Variants in RBM25 observed in about 807,000 individuals in gnomAD.
RBM25 encodes RNA-binding protein 25.
Under a neutral mutation model 120.7 loss-of-function variants are expected in RBM25, and 19 were observed. That is an observed-to-expected ratio of 0.16 (90% CI 0.11 to 0.23). The LOEUF (loss-of-function observed/expected upper bound fraction) is 0.23. Among genes scored for constraint, RBM25 ranks in the 10% least tolerant of loss-of-function variants. The pLI, the probability that RBM25 is intolerant of heterozygous loss-of-function variation, is 1.00. For synonymous variants in RBM25, 390 were observed against 326.7 expected (o/e 1.19, Z -2.09); for missense variants, 605 against 1,041.5 (o/e 0.58, Z 5.77).
At chr14:73,086,127 G>C (rs535816014) in intron 5 of RBM25, among the ~76,000 whole-genome samples, 1 of 151,834 alleles carries the variant, frequency 6.6e-6, no homozygotes, top group African/African-American at 2.4e-5. Flanking sequence ...TGAAGATCAC[G>C]ATCTGGACAC....
At chr14:73,098,910 A>T (rs529488813) in intron 7 of RBM25, among the ~76,000 whole-genome samples, 1 of 152,198 alleles carries the variant, frequency 6.6e-6, no homozygotes, top group Non-Finnish European at 1.5e-5. Context: ...CCCGACCCAT[A>T]ACTTTTCTAA....
At chr14:73,108,027 A>G in intron 13 of RBM25, 128 bp downstream of exon 13, 1 of 686,022 alleles carries the variant, frequency 1.5e-6, no homozygotes, top group Admixed American at 2.7e-5. Flanking sequence ...CTGAGTAATT[A>G]TTAATTCTAT....
At chr14:73,076,085 C>T (rs1181964787) in intron 2 of RBM25, among the ~76,000 whole-genome samples, 1 of 152,160 alleles carries the variant, frequency 6.6e-6, no homozygotes, top group Non-Finnish European at 1.5e-5. Flanking sequence ...CTCTTTAAGT[C>T]AAAAGCATAT....
chr14:73,075,684 T>G (rs1329804329), intron 2 of RBM25, among the ~76,000 whole-genome samples: 1 of 152,236 alleles, frequency 6.6e-6, no homozygotes, highest in African/African-American at 2.4e-5. Context: ...ATACTTATTT[T>G]TTGTTGTTGT....
chr14:73,093,644 G>A (rs1199068334), intron 6 of RBM25, among the ~76,000 whole-genome samples: 1 of 151,414 alleles, frequency 6.6e-6, no homozygotes, highest in Admixed American at 6.6e-5. Context: ...GTAGCTGGGA[G>A]TACAGGCACC....
chr14:73,109,558 C>A (rs923918225), intron 14 of RBM25, 66 bp downstream of exon 14: 2 of 1,466,172 alleles, frequency 1.4e-6, no homozygotes, highest in Admixed American at 2.1e-5. Flanking sequence ...CTTTGGGAGG[C>A]CGAGGCGGGC....
At chr14:73,100,190 G>A (rs1466782770) in intron 9 of RBM25, 5 of 541,016 alleles carry the variant, frequency 9.2e-6, no homozygotes, top group Non-Finnish European at 1.7e-5. Flanking sequence ...GAGTGGGGGA[G>A]ATTTTAAACA....
chr14:73,123,615 A>T lies in RBM25; in HGVS notation c.*3810A>T, dbSNP rs961546717. The T allele has an allele frequency of 1.3e-5, 2 of 152,226 alleles. No homozygotes were observed. Among genetic ancestry groups the T allele is most frequent in the Non-Finnish European group, 2.9e-5 (2 of 68,044 alleles). 9.4% of individuals were successfully genotyped at this position (152,226 alleles called of 1,614,324 possible). On this transcript the variant is annotated 3_prime_UTR_variant, in exon 19 of 19. Coordinates refer to ENST00000261973, the MANE Select transcript of RBM25 (RefSeq NM_021239.3). ...CAGGGAGATACATACCAAACCCAGG[A>T]GCTACTAATATAACAATCATACTAT...
In RBM25 at chr14:73,088,254, A is replaced by G. The variant is rs1056813581; in HGVS notation, c.543+93A>G. 8.2e-6 allele frequency: 12 copies of G among 1,467,412 alleles called. No homozygotes were observed. The African/African-American group carries it at 8.4e-5, about 10-fold the overall frequency. 90.9% of individuals were successfully genotyped at this position (1,467,412 alleles called of 1,614,324 possible). ...TAAATGAATCTAATATGGGGCTTCA[A>G]AAGATCATCATGTATGTGCTTGTGG... On this transcript the variant is annotated intron_variant, in intron 6 of 18. Transcript: ENST00000261973.
At chr14:73,088,627 A>G (rs1203890746) in intron 6 of RBM25, among the ~76,000 whole-genome samples, 1 of 152,212 alleles carries the variant, frequency 6.6e-6, no homozygotes, top group African/African-American at 2.4e-5. Flanking sequence ...AATAAAGGAC[A>G]TTGTTGTATA....
At chr14:73,059,236 G>T (rs1158317142) in intron 1 of RBM25, 1 of 152,114 alleles carries the variant, frequency 6.6e-6, no homozygotes, top group African/African-American at 2.4e-5. Context: ...GCCACCAAGT[G>T]AACTGGGCCC....
chr14:73,073,070 C>T (rs1209474056), intron 2 of RBM25, among the ~76,000 whole-genome samples: 1 of 152,038 alleles, frequency 6.6e-6, no homozygotes, highest in Non-Finnish European at 1.5e-5. Context: ...GCTTTTGCCA[C>T]CATGTTCAGT....
chr14:73,091,988 T>C (rs1034016597), intron 6 of RBM25, among the ~76,000 whole-genome samples: 1 of 152,188 alleles, frequency 6.6e-6, no homozygotes, highest in Non-Finnish European at 1.5e-5. Context: ...CCAACTGTTA[T>C]ATGTGTATTT....
chr14:73,108,019 G>C lies in RBM25; in HGVS notation c.1541+120G>C, dbSNP rs923557410. ...TAAGAAAAACAAACTTTCACATTCT[G>C]AGTAATTATTAATTCTATAGCTAAT... is the stretch of plus-strand genomic sequence containing the variant. On this transcript the variant is annotated intron_variant, in intron 13 of 18. Transcript: ENST00000261973. 1.5e-4 allele frequency: 103 copies of C among 701,816 alleles called. 1 individual carries two copies. The highest frequency in any genetic ancestry group is 6.0e-4 in the South Asian group (32 of 53,126). 43.5% of individuals were successfully genotyped at this position (701,816 alleles called of 1,614,324 possible). A position where few individuals can be genotyped will look rare whatever the true frequency, so the allele number is the denominator to read the frequency against.
rs561567920 is a variant in RBM25, at chr14:73,087,968, G to T, written c.383-33G>T. On this transcript the variant is annotated intron_variant, in intron 5 of 18. Coordinates refer to ENST00000261973, the MANE Select transcript of RBM25 (RefSeq NM_021239.3). ...ATTTTTTTTCTTTTGTAAGTGAATT[G>T]GTATTTCACTAATTGTTTTCATCCA... 5.7e-6 allele frequency: 9 copies of T among 1,581,990 alleles called. No individual in the cohort carries two copies. The Admixed American group carries it at 5.8e-5, about 10-fold the overall frequency.
At chr14:73,119,064 C>T (rs926687223) in intron 18 of RBM25, among the ~76,000 whole-genome samples, 32 of 152,080 alleles carry the variant, frequency 2.1e-4, no homozygotes, top group African/African-American at 6.8e-4. Context: ...CCACTGTGCC[C>T]GGTCCATTTA....
intron 9 of RBM25, chr14:73,102,234 T>A (rs1038245353): frequency 1.3e-5 from 2 of 152,204 alleles, no homozygotes; most frequent in Non-Finnish European, 2.9e-5. Flanking sequence ...GTTTTACCTG[T>A]TTGGGGTATT....
At chr14:73,095,223 T>C (rs2140448140) in intron 6 of RBM25, among the ~76,000 whole-genome samples, 1 of 152,306 alleles carries the variant, frequency 6.6e-6, no homozygotes, top group African/African-American at 2.4e-5. Context: ...CATCTGTTAC[T>C]CTGTAGTGAT....
At chr14:73,103,057 A>G (rs557642144) in intron 9 of RBM25, 135 bp from the exon 10 acceptor site, 44 of 1,503,992 alleles carry the variant, frequency 2.9e-5, no homozygotes, top group Middle Eastern at 5.0e-4. Context: ...AATTTGTCAC[A>G]TAAAACCACA....
Sources: allele counts gnomAD v4.1 joint callset (sites outside exome capture counted in the v4.1 genomes callset), GRCh38; gene constraint gnomAD v4.1.1; transcripts MANE v1.5; gene names NCBI Gene and HGNC (gene_info 2026-07-23, HGNC 2026-07-21).